DGKB: variants seen among roughly 807,000 people sequenced by gnomAD.
DGKB encodes 90 kDa diacylglycerol kinase.
DGKB carries 67 observed loss-of-function variants against 114.3 expected under a neutral mutation model. The ratio of observed to expected loss-of-function variants is 0.59; its 90% CI spans 0.48 to 0.72. The LOEUF is 0.72. DGKB is among the 30% of genes least tolerant of loss of function. The pLI is 0.00. For synonymous variants in DGKB, 398 were observed against 323.1 expected (o/e 1.23, Z -2.49); for missense variants, 907 against 975.2 (o/e 0.93, Z 0.93).
At chr7:14,319,055 C>A (rs1272928027) in intron 23 of DGKB, among the ~76,000 whole-genome samples, 3 of 150,186 alleles carry the variant, frequency 2.0e-5, no homozygotes, top group African/African-American at 7.4e-5. Context: ...CCAAACACTG[C>A]ATATGCTCAC....
intron 23 of DGKB, chr7:14,269,127 C>A (rs940858043): frequency 1.3e-5 from 2 of 152,272 alleles, no homozygotes; most frequent in African/African-American, 4.8e-5. Context: ...AAAGCCTTAG[C>A]TCCTTGCCAT....
chr7:14,313,461 G>T (rs1438750864), intron 23 of DGKB, among the ~76,000 whole-genome samples: 2 of 152,178 alleles, frequency 1.3e-5, no homozygotes, highest in East Asian at 3.9e-4. Context: ...CCTCACTCGG[G>T]AAGCGCAAGG....
chr7:14,259,370 T>C (rs2128408136), intron 23 of DGKB, among the ~76,000 whole-genome samples: 1 of 150,006 alleles, frequency 6.7e-6, no homozygotes, highest in South Asian at 2.1e-4. Flanking sequence ...AATTCTCATC[T>C]AGTAAAGTTT....
intron 23 of DGKB, among the ~76,000 whole-genome samples, chr7:14,335,972 T>G (rs758453079): frequency 2.0e-4 from 30 of 152,148 alleles, no homozygotes; most frequent in Non-Finnish European, 4.3e-4. Context: ...TTGAACTCCC[T>G]GCTTCAAGTG....
In DGKB at chr7:14,303,318, T is replaced by C. The variant is rs192264054; in HGVS notation, c.2122+35197A>G. 6.0e-3 allele frequency among the ~76,000 whole-genome samples: 915 copies of C among 152,252 alleles called. 8 individuals carry two copies. Among genetic ancestry groups the C allele is most frequent in the African/African-American group, 0.021 (880 of 41,554 alleles). The stretch of plus-strand genomic sequence containing the variant: ...TGCCATTTTAGAAACTTTACTTGGA[T>C]GTGTATGACTGTATTTCCCGCCGTA... On this transcript the variant is annotated intron_variant, in intron 23 of 25. Coordinates refer to ENST00000402815, the MANE Select transcript of DGKB (RefSeq NM_001350709.2).
intron 23 of DGKB, among the ~76,000 whole-genome samples, chr7:14,338,304 G>T (rs770140957): frequency 6.6e-6 from 1 of 151,912 alleles, no homozygotes; most frequent in Non-Finnish European, 1.5e-5. Context: ...AGCTATATAC[G>T]AAGAAGAATA....
intron 2 of DGKB, among the ~76,000 whole-genome samples, chr7:14,792,296 G>C (rs966283697): frequency 2.0e-5 from 3 of 152,046 alleles, no homozygotes; most frequent in Non-Finnish European, 2.9e-5. Context: ...AAGGTATTTG[G>C]TATATATTAA....
intron 1 of DGKB, among the ~76,000 whole-genome samples, chr7:14,898,978 C>T (rs1782553895): frequency 6.6e-6 from 1 of 152,126 alleles, no homozygotes; most frequent in South Asian, 2.1e-4. Flanking sequence ...TCAGAATATC[C>T]TTAAAAAAGA....
chr7:14,456,200 T>C (rs892567182), intron 21 of DGKB, among the ~76,000 whole-genome samples: 6 of 152,042 alleles, frequency 3.9e-5, no homozygotes, highest in African/African-American at 1.4e-4. Context: ...TGTTTTGTGA[T>C]AGACTTGGGT....
chr7:14,185,691 T>G (rs1284574960), intron 23 of DGKB, among the ~76,000 whole-genome samples: 2 of 152,220 alleles, frequency 1.3e-5, no homozygotes, highest in Non-Finnish European at 2.9e-5. Flanking sequence ...TGGAACAGAA[T>G]AGAGAACCCA....
At chr7:14,962,101 A>G (rs1786880883) in intron 1 of DGKB, among the ~76,000 whole-genome samples, 1 of 152,176 alleles carries the variant, frequency 6.6e-6, no homozygotes, top group Admixed American at 6.6e-5. Context: ...GTAACTTTGA[A>G]TAGTATGTGA....
intron 22 of DGKB, 109 bp from the exon 23 acceptor site, chr7:14,338,819 T>C (rs1026343871): frequency 1.5e-6 from 1 of 662,534 alleles, no homozygotes; most frequent in Admixed American, 4.1e-5. Flanking sequence ...ATCCATAATG[T>C]TGTCATTTCC....
chr7:14,301,421 A>T (rs990237339), intron 23 of DGKB, among the ~76,000 whole-genome samples: 2 of 152,092 alleles, frequency 1.3e-5, no homozygotes, highest in Non-Finnish European at 2.9e-5. Context: ...CTATTTTCAC[A>T]AATACCATAC....
chr7:14,428,597 T>G (rs1454829370), intron 21 of DGKB, among the ~76,000 whole-genome samples: 1 of 152,170 alleles, frequency 6.6e-6, no homozygotes, highest in African/African-American at 2.4e-5. Flanking sequence ...CCTATACTTG[T>G]TCATTTTCTT....
intron 23 of DGKB, among the ~76,000 whole-genome samples, chr7:14,255,167 T>G (rs935425532): frequency 6.6e-5 from 10 of 152,210 alleles, no homozygotes; most frequent in African/African-American, 2.4e-4. Context: ...ATTGCCTGGG[T>G]AAGAAGTATT....
intron 23 of DGKB, among the ~76,000 whole-genome samples, chr7:14,226,975 C>T (rs751845843): frequency 6.6e-6 from 1 of 152,014 alleles, no homozygotes; most frequent in Non-Finnish European, 1.5e-5. Context: ...TGGGCTCAAG[C>T]GATCTTCTCA....
chr7:14,635,643 A>G lies in DGKB; in HGVS notation c.1135-5375T>C, dbSNP rs556944118. Among the ~76,000 whole-genome samples the G allele has an allele frequency of 2.6e-5, 4 of 151,730 alleles. No individual in the cohort carries two copies. In the East Asian group the frequency reaches 5.8e-4, roughly 22 times the overall value. On this transcript the variant is annotated intron_variant, in intron 13 of 25. Transcript: ENST00000402815. ...TTTCAGATTATTCTTCAGAACTCTT[A>G]ATTTACATATAATTCATTAATAGAT... is the stretch of plus-strand genomic sequence containing the variant.
chr7:14,232,737 G>T (rs1373797470), intron 23 of DGKB, among the ~76,000 whole-genome samples: 1 of 151,958 alleles, frequency 6.6e-6, no homozygotes, highest in Non-Finnish European at 1.5e-5. Context: ...ACAATATTTA[G>T]TGTAAAGTGT....
chr7:14,376,466 A>G (rs1323520250), intron 21 of DGKB, among the ~76,000 whole-genome samples: 1 of 152,206 alleles, frequency 6.6e-6, no homozygotes, highest in Non-Finnish European at 1.5e-5. Flanking sequence ...AAATTTTACT[A>G]GGTCATGCCC....
Sources: gnomAD v4.1 joint callset for allele counts (sites outside exome capture counted in the v4.1 genomes callset) on GRCh38, gnomAD v4.1.1 for gene constraint, MANE v1.5 for transcripts, NCBI Gene and HGNC (gene_info 2026-07-23, HGNC 2026-07-21) for gene names.